Variants in LYST observed in about 807,000 individuals in gnomAD.
The protein encoded by LYST is lysosomal trafficking regulator.
LYST carries 192 observed loss-of-function variants against 413.6 expected under a neutral mutation model. The ratio of observed to expected loss-of-function variants is 0.46; its 90% confidence interval spans 0.41 to 0.52. The LOEUF is 0.52. LYST is among the 20% of genes least tolerant of loss of function. The probability of loss-of-function intolerance (pLI) is 0.00; values close to 1 mark genes in which losing one functional copy is unlikely to be tolerated. For synonymous variants in LYST, 1,525 were observed against 1,567.3 expected, an observed-to-expected ratio of 0.97 and a Z score of 0.64; for missense variants, 3,815 against 4,499.9, an observed-to-expected ratio of 0.85 and a Z score of 4.35.
rs1665051136 is a variant in LYST at position 235,738,713 on chromosome 1, T to G, written c.8358+2709A>C. 2.5e-6 allele frequency: 4 copies of G among 1,580,350 alleles called. No homozygotes were observed. The South Asian group carries it at 4.4e-5, about 17-fold the overall frequency. On this transcript the variant is annotated intron_variant, in intron 31 of 52. Coordinates refer to ENST00000389793, the MANE Select transcript of LYST (RefSeq NM_000081.4). ...TTCACAAGCAGGTGGTTGAGAGTGCTTACGAGGTGATCAAACTCAAAGGCT... is the reference window on the plus strand; with the variant it reads ...TTCACAAGCAGGTGGTTGAGAGTGCGTACGAGGTGATCAAACTCAAAGGCT...
intron 42 of LYST, chr1:235,712,863 T>G (rs537055732): frequency 1.7e-4 from 164 of 985,278 alleles, no homozygotes; most frequent in Non-Finnish European, 1.9e-4. Context: ...TGGACTCTCT[T>G]TTCTGCCAAC....
intron 3 of LYST, among the ~76,000 whole-genome samples, chr1:235,826,456 G>T (rs770359262): frequency 2.0e-5 from 3 of 152,150 alleles, no homozygotes; most frequent in Non-Finnish European, 4.4e-5. Context: ...AAAAAGTAGT[G>T]AACTACTGAA....
Position 235,841,465 on chromosome 1 carries a change from G to A in LYST, c.-97-7798C>T, listed in dbSNP as rs114109609. ...TCCCAGCATCACTGGCACCATGTTG[G>A]TAGCTTAAAATCATCATGGTGAGAG... On this transcript the variant is annotated intron_variant, in intron 1 of 52. Coordinates refer to ENST00000389793, the MANE Select transcript of LYST (RefSeq NM_000081.4). Among the ~76,000 whole-genome samples the A allele has an allele frequency of 5.4e-3, 826 of 152,248 alleles. 16 individuals carry two copies. Among genetic ancestry groups the A allele is most frequent in the African/African-American group, 0.018 (730 of 41,550 alleles).
chr1:235,677,387 A>G (rs2103036319), intron 49 of LYST, 93 bp downstream of exon 49: 1 of 1,344,820 alleles, frequency 7.4e-7, no homozygotes, highest in Non-Finnish European at 1.1e-6. Context: ...AAATGATTAT[A>G]ACGTAAAGAC....
chr1:235,700,019 A>C (rs1404654186), intron 45 of LYST, among the ~76,000 whole-genome samples: 1 of 152,206 alleles, frequency 6.6e-6, no homozygotes, highest in East Asian at 1.9e-4. Flanking sequence ...TGGTGCTGGG[A>C]AAACTGGCTA....
Position 235,773,830 on chromosome 1 carries a change from C to T in LYST, c.5784+12G>A, listed in dbSNP as rs201503994. The stretch of plus-strand genomic sequence containing the variant: ...CACAATAAAAAATGGAAAAAAAGTA[C>T]ATATTACATGCCTCTGCTTTACTCC... On this transcript the variant is annotated intron_variant, in intron 19 of 52. Coordinates refer to ENST00000389793, the MANE Select transcript of LYST (RefSeq NM_000081.4). 48 of 1,607,984 alleles carry T rather than the reference C, an allele frequency of 3.0e-5. No homozygotes were observed. The highest frequency in any genetic ancestry group is 3.7e-5 in the Non-Finnish European group (44 of 1,174,874).
At position 235,664,117 on chromosome 1, in the gene LYST, T is replaced by C. The variant is rs1247773246; in HGVS notation, c.11196-62A>G. 1 of 1,210,882 alleles carries C rather than the reference T, an allele frequency of 8.3e-7. No homozygotes were observed. The highest frequency in any genetic ancestry group is 1.2e-6 in the Non-Finnish European group (1 of 814,470). The allele number at this position is 1,210,882 out of a possible 1,614,324, so 75.0% of individuals were successfully genotyped here. A position where few individuals can be genotyped will look rare whatever the true frequency, so the allele number is the denominator to read the frequency against. ...AAATTACTCTCCCTAAAAAGCCCTC[T>C]ATATTTGTTTATTTGTTAAAAATCA... On this transcript the variant is annotated intron_variant, in intron 51 of 52. Coordinates refer to ENST00000389793, the MANE Select transcript of LYST (RefSeq NM_000081.4). The surrounding 1 kb of genome is among the most constrained non-coding windows in gnomAD (Gnocchi z 4.5).
intron 26 of LYST, 97 bp downstream of exon 26, chr1:235,752,947 C>T: frequency 1.5e-6 from 1 of 674,766 alleles, no homozygotes; most frequent in Non-Finnish European, 2.6e-6. Context: ...AGGCTTCTTA[C>T]ATAGGTAAAC....
rs138233117 is a variant in LYST, at chr1:235,674,043, C to T, written c.11038+3048G>A. ...AGCTCTCTTCCAAGACCCCACAGCC[C>T]GGGGCAATAAGGCATGCCAGTCTCT... is the stretch of plus-strand genomic sequence containing the variant. On this transcript the variant is annotated intron_variant, in intron 50 of 52. Coordinates refer to ENST00000389793, the MANE Select transcript of LYST (RefSeq NM_000081.4). This position sits in a 1 kb window ranked among gnomAD's most constrained non-coding sequence, Gnocchi z 4.1. Among the ~76,000 whole-genome samples the T allele has an allele frequency of 1.4e-3, 220 of 152,272 alleles. 1 individual carries two copies. Among genetic ancestry groups the T allele is most frequent in the Non-Finnish European group, 2.4e-3 (162 of 68,016 alleles).
chr1:235,717,832 T>C (rs1662979422), intron 40 of LYST, among the ~76,000 whole-genome samples: 1 of 152,110 alleles, frequency 6.6e-6, no homozygotes, highest in African/African-American at 2.4e-5. Context: ...AAACAATTTA[T>C]AGAATAGATA....
chr1:235,865,631 G>C (rs1680423754), intron 1 of LYST, among the ~76,000 whole-genome samples: 1 of 152,102 alleles, frequency 6.6e-6, no homozygotes, highest in Admixed American at 6.5e-5. Context: ...ACAGCAAAGA[G>C]CTATCAGAAA....
intron 21 of LYST, among the ~76,000 whole-genome samples, chr1:235,763,720 A>G (rs1416334705): frequency 6.6e-6 from 1 of 152,076 alleles, no homozygotes; most frequent in Non-Finnish European, 1.5e-5. Context: ...TGGCCTCTCA[A>G]AGTGCTGGGA....
At chr1:235,861,120 T>C (rs1254348111) in intron 1 of LYST, among the ~76,000 whole-genome samples, 1 of 152,212 alleles carries the variant, frequency 6.6e-6, no homozygotes, top group Non-Finnish European at 1.5e-5. Flanking sequence ...ACATTTCTAA[T>C]ATGTGTAGTA....
chr1:235,711,175 T>G (rs192508797), intron 43 of LYST, among the ~76,000 whole-genome samples: 1 of 152,326 alleles, frequency 6.6e-6, no homozygotes, highest in Admixed American at 6.5e-5. Flanking sequence ...CAGCCACAGA[T>G]AGCTAGAACA....
chr1:235,763,451 C>T (rs957689510), intron 21 of LYST, among the ~76,000 whole-genome samples: 3 of 152,034 alleles, frequency 2.0e-5, no homozygotes, highest in Non-Finnish European at 2.9e-5. Context: ...CCAGGTTCTA[C>T]TGACTTTTTC....
Position 235,810,360 on chromosome 1 carries a change from T to G in LYST, c.458A>C (p.Tyr153Ser), listed in dbSNP as rs554407289. 1.2e-6 allele frequency: 2 copies of G among 1,613,916 alleles called. No homozygotes were observed. The highest frequency in any genetic ancestry group is 4.5e-5 in the East Asian group (2 of 44,878). Residue 153 changes from tyrosine (Y) to serine (S), a missense_variant, in exon 5 of 53, where the codon TAT becomes TCT. Tyr to Ser is a moderately radical substitution (Grantham distance 144). Around this residue, in one of 4 missense-constraint regions of LYST, gnomAD observed 1,648 missense variants for 1,810.3 expected, o/e 0.91. Transcript: ENST00000389793. ...TGTCTTTCTTGCATCTCTTACAGAATAGCGATGGGTAATTTTACGCTGTCG... is the reference window on the plus strand; with the variant it reads ...TGTCTTTCTTGCATCTCTTACAGAAGAGCGATGGGTAATTTTACGCTGTCG... ...SRRQRKITHR[Y>S]SVRDARKTQL...
intron 19 of LYST, 40 bp downstream of exon 19, chr1:235,773,802 T>C: frequency 6.4e-7 from 1 of 1,567,488 alleles, no homozygotes; most frequent in Non-Finnish European, 8.8e-7. Context: ...ATATGCATTT[T>C]ACCACAATAA....
intron 43 of LYST, among the ~76,000 whole-genome samples, chr1:235,711,596 T>A (rs1004515498): frequency 2.6e-5 from 4 of 152,176 alleles, no homozygotes; most frequent in African/African-American, 4.8e-5. Context: ...TCACAGAAAA[T>A]TTGATTTTAT....
intron 50 of LYST, 31 bp downstream of exon 50, chr1:235,677,060 A>G (rs370066009): frequency 1.6e-5 from 25 of 1,530,284 alleles, no homozygotes; most frequent in Non-Finnish European, 2.3e-5. Flanking sequence ...AGCACCAGCC[A>G]GCCCTGTGCT....
Sources: gnomAD v4.1 joint callset for allele counts (sites outside exome capture counted in the v4.1 genomes callset) on GRCh38, gnomAD v4.1.1 for gene constraint, gnomAD v4.1.1 regional missense constraint, Gnocchi (gnomAD v3.1) non-coding constraint, MANE v1.5 for transcripts, NCBI Gene and HGNC (gene_info 2026-07-23, HGNC 2026-07-21) for gene names.